LRCH1: variants seen among roughly 807,000 people sequenced by gnomAD.
LRCH1 encodes leucine rich repeats and calponin homology domain containing 1, also known as leucine-rich repeat and calponin homology domain-containing protein 1.
A neutral mutation model predicts 94.9 loss-of-function variants in LRCH1; 23 were observed. The observed-to-expected ratio is 0.24, with a 90% CI of 0.17 to 0.34. The LOEUF (loss-of-function observed/expected upper bound fraction) is 0.34. Ranked by LOEUF, LRCH1 falls within the 10% of genes least tolerant of loss-of-function variation. The pLI is 1.00. For synonymous variants in LRCH1, 364 were observed against 354.9 expected, an observed-to-expected ratio of 1.03 and a Z score of -0.29; for missense variants, 790 against 945.9, an observed-to-expected ratio of 0.84 and a Z score of 2.16.
intron 4 of LRCH1, among the ~76,000 whole-genome samples, 168 bp downstream of exon 4, chr13:46,682,014 G>A (rs554279647): frequency 1.3e-5 from 2 of 150,584 alleles, no homozygotes; most frequent in African/African-American, 4.9e-5. Context: ...TAACAAAAAA[G>A]TGATGTTCAG....
At chr13:46,620,163 G>C (rs992161583) in intron 1 of LRCH1, among the ~76,000 whole-genome samples, 2 of 152,050 alleles carry the variant, frequency 1.3e-5, no homozygotes, top group East Asian at 1.9e-4. Flanking sequence ...GCTACCCAGT[G>C]GCCTATCCCC....
chr13:46,573,394 A>G (rs1441865137), intron 1 of LRCH1, among the ~76,000 whole-genome samples: 7 of 152,204 alleles, frequency 4.6e-5, no homozygotes, highest in Admixed American at 4.6e-4. Flanking sequence ...CCCAAAGGAA[A>G]GAAAATCAGT....
At chr13:46,637,413 T>G (rs1037476271) in intron 1 of LRCH1, among the ~76,000 whole-genome samples, 5 of 152,226 alleles carry the variant, frequency 3.3e-5, no homozygotes, top group African/African-American at 9.6e-5. Context: ...ACTTTTACAG[T>G]GGCCGAAAGC....
chr13:46,621,172 T>G (rs991347298), intron 1 of LRCH1, among the ~76,000 whole-genome samples: 2 of 152,252 alleles, frequency 1.3e-5, no homozygotes, highest in African/African-American at 4.8e-5. Flanking sequence ...GTAAATACAG[T>G]GAATCAGATA....
intron 16 of LRCH1, among the ~76,000 whole-genome samples, chr13:46,716,395 T>C (rs11618695): frequency 0.18 from 26,650 of 152,160 alleles, 2,964 homozygotes; most frequent in Non-Finnish European, 0.25. Context: ...TATATCGTAA[T>C]CTCCATTCTA....
At chr13:46,628,710 GGA>G (rs2050981902) in intron 1 of LRCH1, among the ~76,000 whole-genome samples, 1 of 151,002 alleles carries the variant, frequency 6.6e-6, no homozygotes, top group Non-Finnish European at 1.5e-5. Flanking sequence ...GACCATGACA[GGA>G]ACGGTTAGAG....
At chr13:46,710,344 G>T (rs777644893) in intron 13 of LRCH1, among the ~76,000 whole-genome samples, 10 of 152,164 alleles carry the variant, frequency 6.6e-5, no homozygotes, top group Non-Finnish European at 1.5e-5. Flanking sequence ...GGCTGTGGGG[G>T]ATCAGCTCTG....
intron 4 of LRCH1, 122 bp from the exon 5 acceptor site, chr13:46,685,783 T>C (rs991246299): frequency 1.4e-6 from 1 of 692,302 alleles, no homozygotes; most frequent in African/African-American, 1.8e-5. Context: ...CAACTTGCCT[T>C]TGATTATACT....
intron 1 of LRCH1, among the ~76,000 whole-genome samples, chr13:46,570,278 A>G (rs1471926975): frequency 2.6e-5 from 4 of 152,186 alleles, no homozygotes; most frequent in African/African-American, 9.7e-5. Flanking sequence ...ACTTCTTGCA[A>G]ATGCCTTGAG....
rs151049221 is a variant in LRCH1 at position 46,697,141 on chromosome 13, C to T, written c.1245+2124C>T. ...TAAGCATCTTGGACCTTTGCAACCACAGTCAATTTTCATTATTCACAGCAG... is the reference window on the plus strand; with the variant it reads ...TAAGCATCTTGGACCTTTGCAACCATAGTCAATTTTCATTATTCACAGCAG... On this transcript the variant is annotated intron_variant, in intron 9 of 19. Transcript: ENST00000389797. Among the ~76,000 whole-genome samples, 51 of 152,326 alleles carry T rather than the reference C, an allele frequency of 3.3e-4. 1 individual carries two copies. Among genetic ancestry groups the T allele is most frequent in the African/African-American group, 1.1e-3 (47 of 41,580 alleles).
At chr13:46,677,387 G>A (rs1003964581) in intron 3 of LRCH1, among the ~76,000 whole-genome samples, 8 of 151,912 alleles carry the variant, frequency 5.3e-5, no homozygotes, top group Non-Finnish European at 7.4e-5. Context: ...CCAAGATCGC[G>A]CCATCGCACT....
chr13:46,701,760 A>G (rs1373265272), intron 11 of LRCH1, among the ~76,000 whole-genome samples: 1 of 152,224 alleles, frequency 6.6e-6, no homozygotes, highest in East Asian at 1.9e-4. Context: ...TTTCTTAACT[A>G]ATGGTAATGG....
chr13:46,656,157 A>T (rs746696525), intron 2 of LRCH1, among the ~76,000 whole-genome samples: 1 of 152,218 alleles, frequency 6.6e-6, no homozygotes, highest in African/African-American at 2.4e-5. Flanking sequence ...GTCATCTTGG[A>T]TTGGGACAAG....
intron 1 of LRCH1, among the ~76,000 whole-genome samples, chr13:46,627,105 C>G (rs2050959476): frequency 1.3e-5 from 2 of 152,188 alleles, no homozygotes; most frequent in African/African-American, 4.8e-5. Context: ...GTCATTTACT[C>G]ATAGATGTAC....
At chr13:46,687,225 C>T (rs558065496) in intron 5 of LRCH1, among the ~76,000 whole-genome samples, 1 of 152,288 alleles carries the variant, frequency 6.6e-6, no homozygotes, top group Non-Finnish European at 1.5e-5. Flanking sequence ...TCCCAAAATA[C>T]TGGTATTACA....
chr13:46,558,548 C>T (rs1284411265), intron 1 of LRCH1, among the ~76,000 whole-genome samples: 1 of 91,058 alleles, frequency 1.1e-5, no homozygotes, highest in Non-Finnish European at 2.2e-5. Context: ...CCAGCCTGGC[C>T]AAGACGGTGA....
chr13:46,671,952 AGT>A (rs72141562), intron 3 of LRCH1, among the ~76,000 whole-genome samples: 7,899 of 152,250 alleles, frequency 0.052, 290 homozygotes, highest in African/African-American at 0.1. Context: ...AGTTTACATT[AGT>A]GTGTTCACTC....
chr13:46,573,866 A>ATATATATATATATATATATATTTTTT, intron 1 of LRCH1, among the ~76,000 whole-genome samples: 67 of 63,318 alleles, frequency 1.1e-3, no homozygotes, highest in East Asian at 2.6e-3. Context: ...ATATATATAT[A>ATATATATATATATATATATATTTTTT]TTTTTTTTTT....
intron 3 of LRCH1, among the ~76,000 whole-genome samples, chr13:46,679,525 A>G (rs1471543665): frequency 6.6e-6 from 1 of 152,156 alleles, no homozygotes; most frequent in Admixed American, 6.5e-5. Flanking sequence ...TGGACCTCCT[A>G]ATTCTGTAAT....
Sources: allele counts gnomAD v4.1 joint callset (sites outside exome capture counted in the v4.1 genomes callset), GRCh38; gene constraint gnomAD v4.1.1; transcripts MANE v1.5; gene names NCBI Gene and HGNC (gene_info 2026-07-23, HGNC 2026-07-21).